The following ZNF417 variants were observed in gnomAD, a reference collection of about 807,000 sequenced individuals.
ZNF417 encodes zinc finger protein 417.
Under a neutral mutation model 7.4 loss-of-function variants are expected in ZNF417, and 5 were observed. That is an observed-to-expected ratio of 0.68 (90% confidence interval 0.35 to 1.43). The LOEUF (loss-of-function observed/expected upper bound fraction) is 1.43, where lower values mean the gene tolerates loss of function less well. ZNF417 is among the 40% of genes most tolerant of loss of function. ZNF417 has a pLI of 0.04. For missense variants in ZNF417, 437 were observed against 697.3 expected, an observed-to-expected ratio of 0.63 and a Z score of 4.20; for synonymous variants, 147 against 239.1, an observed-to-expected ratio of 0.61 and a Z score of 3.55.
rs1180110149 is a variant in ZNF417, at chr19:57,906,760, C to CAAAAAAAAAA, written c.*1780_*1789dup. The CAAAAAAAAAA allele has an allele frequency of 9.6e-3, 292 of 30,516 alleles. 19 individuals are homozygous for CAAAAAAAAAA. Among genetic ancestry groups the CAAAAAAAAAA allele is most frequent in the African/African-American group, 0.036 (282 of 7,834 alleles). 1.9% of individuals were successfully genotyped at this position (30,516 alleles called of 1,614,324 possible). Reference sequence around the variant, plus strand: ...TGGGTGACAGAGTGAGACTCTGTCTCAAAAAAAAAAAAAAAAAAAAATTTA... The same window carrying CAAAAAAAAAA: ...TGGGTGACAGAGTGAGACTCTGTCTCAAAAAAAAAAAAAAAAAAAAAAAAAAAAAAATTTA... On this transcript the variant is annotated 3_prime_UTR_variant, in exon 3 of 3. Transcript: ENST00000312026.
rs1420341299 is a variant in ZNF417 at position 57,909,539 on chromosome 19, T to C, written c.739A>G (p.Lys247Glu). The C allele has an allele frequency of 6.2e-7, 1 of 1,610,980 alleles. No individual in the cohort carries two copies. Among genetic ancestry groups the C allele is most frequent in the South Asian group, 1.1e-5 (1 of 90,958 alleles). ...DGCYVCSDCG[K>E]SFSRYVSFSN... The stretch of plus-strand genomic sequence containing the variant: ...AAGCTGACATATCTGCTAAAGGATT[T>C]TCCACAATCACTGCACACATAACAT... Residue 247 changes from lysine (K) to glutamate (E), a missense_variant, in exon 3 of 3, where the codon AAA becomes GAA. Physicochemically the swap from Lys to Glu is moderately conservative, Grantham distance 56. Transcript: ENST00000312026.
Position 57,909,194 on chromosome 19 carries a change from G to A in ZNF417, c.1084C>T (p.Arg362Cys), listed in dbSNP as rs1568528485. 4 of 1,613,124 alleles carry A rather than the reference G, an allele frequency of 2.5e-6. No homozygotes were observed. The highest frequency in any genetic ancestry group is 2.2e-5 in the South Asian group (2 of 91,002). ...TGGTTAATAAAGCAGAACTTCTGAC[G>A]AAAAGATTTCCCACATTCCCCACAG... ...YHCGECGKSF[R>C]QKFCFINHQR... The change falls in exon 3 of 3, where the codon CGT becomes TGT. Residue 362 changes from arginine (R) to cysteine (C), a missense_variant. This residue lies in a region of ZNF417 where 53 missense variants were observed against 91.9 expected (regional missense o/e 0.58). Coordinates refer to ENST00000312026, the MANE Select transcript of ZNF417 (RefSeq NM_152475.3).
At chr19:57,912,906 C>T (rs1600149395) in intron 1 of ZNF417, among the ~76,000 whole-genome samples, 1 of 152,158 alleles carries the variant, frequency 6.6e-6, no homozygotes, top group African/African-American at 2.4e-5. Flanking sequence ...GTCACTGCAC[C>T]CAGCCCCCAC....
chr19:57,906,528 T>C lies in ZNF417; in HGVS notation c.*2022A>G, dbSNP rs549446972. ...CTGTAATCCCAGCACTTTAGGAGGC[T>C]GAGGGGGGTGGATCATGAGGTCACA... On this transcript the variant is annotated 3_prime_UTR_variant, in exon 3 of 3. Transcript: ENST00000312026. Among the ~76,000 whole-genome samples the C allele has an allele frequency of 8.6e-5, 13 of 151,864 alleles. No individual in the cohort carries two copies. The highest frequency in any genetic ancestry group is 3.4e-3 in the Middle Eastern group (1 of 294).
Position 57,908,970 on chromosome 19 carries a change from G to T in ZNF417, c.1308C>A (p.Tyr436Ter), listed in dbSNP as rs1332665552. The change falls in exon 3 of 3, where the codon TAC (tyrosine) becomes TAA (stop). Residue 436 changes from tyrosine (Y) to a stop codon, truncating the protein, a stop_gained. Coordinates refer to ENST00000312026, the MANE Select transcript of ZNF417 (RefSeq NM_152475.3). LOFTEE classifies it low-confidence loss of function (END_TRUNC). Reference sequence around the variant, plus strand: ...ATAATTTCCCACATTCCCTACAATTGTAAGGTCTTTCCCCAGTGTGAAGTC... The same window carrying T: ...ATAATTTCCCACATTCCCTACAATTTTAAGGTCTTTCCCCAGTGTGAAGTC... Reference protein sequence around the residue: ...HQRLHTGERPYNCRECGKLFN... With the variant: ...HQRLHTGERP The T allele has an allele frequency of 3.1e-6, 5 of 1,613,514 alleles. No homozygotes were observed. Among genetic ancestry groups the T allele is most frequent in the Non-Finnish European group, 4.2e-6 (5 of 1,179,892 alleles).
At chr19:57,914,884 G>A (rs1402829629) in intron 1 of ZNF417, among the ~76,000 whole-genome samples, 1 of 152,098 alleles carries the variant, frequency 6.6e-6, no homozygotes, top group Non-Finnish European at 1.5e-5. Context: ...CAGGGTCCTC[G>A]GATCAAAGGA....
At chr19:57,912,618 G>GT (rs908666775) in intron 1 of ZNF417, among the ~76,000 whole-genome samples, 9 of 151,608 alleles carry the variant, frequency 5.9e-5, no homozygotes, top group Admixed American at 2.6e-4. Context: ...GTTTTTTGGG[G>GT]TTTTTTTTGA....
At chr19:57,913,468 C>T (rs2071917695) in intron 1 of ZNF417, among the ~76,000 whole-genome samples, 2 of 152,286 alleles carry the variant, frequency 1.3e-5, no homozygotes, top group South Asian at 4.1e-4. Context: ...TAAAGCCCAG[C>T]CCCTGGATTT....
At position 57,908,598 on chromosome 19, in the gene ZNF417, G is replaced by C. The variant is rs534877224; in HGVS notation, c.1680C>G (p.Ser560Arg). The change falls in exon 3 of 3, where the codon AGC becomes AGG. Residue 560 changes from serine to arginine, a missense_variant. By Grantham distance (110) the Ser-to-Arg change is moderately radical. Around this residue, in one of 5 missense-constraint regions of ZNF417, gnomAD observed 233 missense variants for 235.5 expected, o/e 0.99. Coordinates refer to ENST00000312026, the MANE Select transcript of ZNF417 (RefSeq NM_152475.3). ...AACTCTGATGATGAAGGAGGGTAGA[G>C]CTTCGCTGAAATGTTTTTCCACATT... Reference protein sequence around the residue: ...CTKCGKTFQRSSTLLHHQSSH... With the variant: ...CTKCGKTFQRRSTLLHHQSSH... The C allele has an allele frequency of 6.2e-7, 1 of 1,613,894 alleles. No individual in the cohort carries two copies. The highest frequency in any genetic ancestry group is 8.5e-7 in the Non-Finnish European group (1 of 1,180,012).
chr19:57,910,054 C>T lies in ZNF417; in HGVS notation c.224G>A (p.Arg75Lys). The T allele has an allele frequency of 1.9e-6, 3 of 1,543,048 alleles. No individual in the cohort carries two copies. Among genetic ancestry groups the T allele is most frequent in the South Asian group, 1.3e-5 (1 of 77,922 alleles). Reference protein sequence around the residue: ...APCKQRISVQRESQSRTPRAG... With the variant: ...APCKQRISVQKESQSRTPRAG... ...CCTAGGAGTCCTGCTCTGAGACTCTCTTTGTACAGAAATTCTCTGCTTACA... is the reference window on the plus strand; with the variant it reads ...CCTAGGAGTCCTGCTCTGAGACTCTTTTTGTACAGAAATTCTCTGCTTACA... The change falls in exon 3 of 3, where the codon AGA (arginine) becomes AAA (lysine). Residue 75 changes from arginine (R) to lysine (K), a missense_variant. By Grantham distance (26) the Arg-to-Lys change is conservative. Around this residue, in one of 5 missense-constraint regions of ZNF417, gnomAD observed 60 missense variants for 266.0 expected, o/e 0.23. Coordinates refer to ENST00000312026, the MANE Select transcript of ZNF417 (RefSeq NM_152475.3).
In ZNF417 at chr19:57,908,576, T is replaced by G. The variant is rs749595736; in HGVS notation, c.1702A>C (p.Ser568Arg). 32 of 1,614,036 alleles carry G rather than the reference T, an allele frequency of 2.0e-5. No homozygotes were observed. The South Asian group carries it at 3.2e-4, about 16-fold the overall frequency. ...CATAAGGCCTTTCTCCTGTGTGAAC[T>G]CTGATGATGAAGGAGGGTAGAGCTT... ...QRSSTLLHHQ[S>R]SHRRKAL is the part of the protein sequence containing the mutation. Residue 568 changes from serine to arginine, a missense_variant, in exon 3 of 3, where the codon AGT becomes CGT. Ser to Arg is a moderately radical substitution (Grantham distance 110, BLOSUM62 -1). Around this residue, in one of 5 missense-constraint regions of ZNF417, gnomAD observed 233 missense variants for 235.5 expected, o/e 0.99. Transcript: ENST00000312026.
At chr19:57,912,435 T>C (rs528646571) in intron 1 of ZNF417, among the ~76,000 whole-genome samples, 47 of 152,300 alleles carry the variant, frequency 3.1e-4, no homozygotes, top group African/African-American at 1.1e-3. Flanking sequence ...CCCTTCTGAA[T>C]AGCGATATCC....
At chr19:57,910,247 T>C (rs545265266) in intron 2 of ZNF417, 133 bp from the exon 3 acceptor site, 5 of 1,470,218 alleles carry the variant, frequency 3.4e-6, no homozygotes, top group Middle Eastern at 1.9e-4. Flanking sequence ...TGGCTTCAAG[T>C]TGAAGATGGG....
At chr19:57,915,778 G>A in intron 1 of ZNF417, 6 of 413,112 alleles carry the variant, frequency 1.5e-5, no homozygotes, top group Non-Finnish European at 2.5e-5. Context: ...TTACCGTTTA[G>A]GGGTCATGCA....
chr19:57,914,211 C>A (rs527497440), intron 1 of ZNF417, among the ~76,000 whole-genome samples: 2 of 152,078 alleles, frequency 1.3e-5, no homozygotes, highest in South Asian at 2.1e-4. Flanking sequence ...GTCTGTCAGG[C>A]GTGATGGCTC....
chr19:57,912,211 C>T, intron 1 of ZNF417, 22 bp from the exon 2 acceptor site: 1 of 1,612,164 alleles, frequency 6.2e-7, no homozygotes, highest in Non-Finnish European at 8.5e-7. Context: ...ACAGATGAAA[C>T]CACAAACAGC....
At chr19:57,912,579 C>A (rs1222453791) in intron 1 of ZNF417, among the ~76,000 whole-genome samples, 1 of 152,110 alleles carries the variant, frequency 6.6e-6, no homozygotes, top group Non-Finnish European at 1.5e-5. Flanking sequence ...CCATCAGCCT[C>A]TCTCTGGCAT....
At chr19:57,915,557 A>T (rs1344225344) in intron 1 of ZNF417, 10 of 422,534 alleles carry the variant, frequency 2.4e-5, no homozygotes, top group Non-Finnish European at 3.9e-5. Context: ...CAGTGAAAGA[A>T]ATCAGACCTT....
intron 1 of ZNF417, 106 bp from the exon 2 acceptor site, chr19:57,912,295 C>T (rs2071906086): frequency 1.9e-6 from 3 of 1,553,440 alleles, no homozygotes; most frequent in African/African-American, 2.8e-5. Flanking sequence ...AGGTCCCCAA[C>T]ATAGTGTTGA....
Sources: gnomAD v4.1 joint callset for allele counts (sites outside exome capture counted in the v4.1 genomes callset) on GRCh38, gnomAD v4.1.1 for gene constraint, gnomAD v4.1.1 regional missense constraint, MANE v1.5 for transcripts, NCBI Gene and HGNC (gene_info 2026-07-23, HGNC 2026-07-21) for gene names.